The following FGF13 variants were observed in gnomAD, a reference collection of about 807,000 sequenced individuals.
The protein encoded by FGF13 is fibroblast growth factor 13.
In FGF13, 2 loss-of-function variants were observed where a neutral mutation model predicts 19.5. The ratio of observed to expected loss-of-function variants is 0.10; its 90% confidence interval spans 0.04 to 0.32. The LOEUF is 0.32. Ranked by LOEUF, FGF13 falls within the 10% of genes least tolerant of loss-of-function variation. FGF13 has a pLI of 1.00. For missense variants in FGF13, 113 were observed against 192.7 expected, an observed-to-expected ratio of 0.59 and a Z score of 2.45; for synonymous variants, 72 against 76.9, an observed-to-expected ratio of 0.94 and a Z score of 0.33.
intron 1 of FGF13, among the ~76,000 whole-genome samples, chrX:139,175,865 T>A (rs1193529433): frequency 2.7e-5 from 3 of 111,944 alleles, no homozygotes; most frequent in Non-Finnish European, 5.6e-5. Flanking sequence ...AATTTTTTTG[T>A]TGTTGTTGTG....
At chrX:138,790,484 T>C (rs182379676) in intron 3 of FGF13, among the ~76,000 whole-genome samples, 21 of 110,843 alleles carry the variant, frequency 1.9e-4, no homozygotes, top group Non-Finnish European at 3.0e-4. Flanking sequence ...GCCTCCACAG[T>C]CTTTTTCCTT....
intron 1 of FGF13, among the ~76,000 whole-genome samples, chrX:139,108,666 T>A (rs72616262): frequency 0.012 from 1,281 of 110,671 alleles, 19 homozygotes; most frequent in East Asian, 0.06. Context: ...ATATATATAT[T>A]TTTTTTAATT....
chrX:138,972,500 G>T (rs2091922331), intron 1 of FGF13, among the ~76,000 whole-genome samples: 1 of 108,211 alleles, frequency 9.2e-6, no homozygotes, highest in African/African-American at 3.4e-5. Context: ...GGGACTACAG[G>T]CGCCGGCCAC....
intron 1 of FGF13, among the ~76,000 whole-genome samples, chrX:139,138,311 C>G (rs777878638): frequency 5.5e-4 from 61 of 111,729 alleles, no homozygotes; most frequent in African/African-American, 1.8e-3. Flanking sequence ...ACTACAAAGC[C>G]CAAGTTCTTA....
chrX:139,180,687 G>T (rs922417323), intron 1 of FGF13, among the ~76,000 whole-genome samples: 1 of 111,095 alleles, frequency 9.0e-6, no homozygotes, highest in Non-Finnish European at 1.9e-5. Context: ...TGCGCAATAG[G>T]GCTGCCTGAT....
chrX:139,028,751 G>A (rs974193355), intron 1 of FGF13, among the ~76,000 whole-genome samples: 5 of 108,655 alleles, frequency 4.6e-5, no homozygotes, highest in African/African-American at 1.7e-4. Context: ...CAAAGAAGAG[G>A]TGTATGATCA....
intron 1 of FGF13, among the ~76,000 whole-genome samples, chrX:139,149,118 AC>A (rs1226116866): frequency 9.0e-6 from 1 of 111,195 alleles, no homozygotes; most frequent in Non-Finnish European, 1.9e-5. Flanking sequence ...TATTTACACA[AC>A]CCTATTATTT....
At chrX:138,860,930 T>G (rs2091285211) in intron 2 of FGF13, among the ~76,000 whole-genome samples, 1 of 111,513 alleles carries the variant, frequency 9.0e-6, no homozygotes, top group Non-Finnish European at 1.9e-5. Context: ...TAGTGCAGAG[T>G]AGGAGGACAC....
At chrX:138,713,491 A>G (rs1341312766), upstream of FGF13, among the ~76,000 whole-genome samples, 1 of 111,630 alleles carries the variant, frequency 9.0e-6, no homozygotes, top group African/African-American at 3.3e-5. Flanking sequence ...TCTGCCAAGC[A>G]CCAACCCCAA....
chrX:139,191,078 T>C (rs1448913788), intron 1 of FGF13, among the ~76,000 whole-genome samples: 3 of 112,171 alleles, frequency 2.7e-5, no homozygotes, highest in East Asian at 5.6e-4. Flanking sequence ...CTCCCCTATA[T>C]ACAATATGGT....
At chrX:138,857,433 G>A, downstream of FGF13, 1 of 1,010,557 alleles carries the variant, frequency 9.9e-7, no homozygotes, top group Non-Finnish European at 1.4e-6. Flanking sequence ...ACACCAGAGG[G>A]CAATGCACAA....
chrX:138,849,761 C>T (rs1431093704), intron 3 of FGF13, among the ~76,000 whole-genome samples: 1 of 111,959 alleles, frequency 8.9e-6, no homozygotes, highest in Non-Finnish European at 1.9e-5. Context: ...GTTGCCAACA[C>T]AATCCCTGAT....
rs756838138 is a variant in FGF13 at position 138,728,170 on chromosome X, G to A, written c.28+11072C>T. Among the ~76,000 whole-genome samples, 3 of 111,131 alleles carry A rather than the reference G, an allele frequency of 2.7e-5. No individual in the cohort carries two copies. The East Asian group carries it at 8.6e-4, about 32-fold the overall frequency. On this transcript the variant is annotated intron_variant, in intron 1 of 4. Coordinates refer to the FGF13 transcript ENST00000305414. ...CTTATTTGATAATATTTCACTCTAA[G>A]TGATATAATTTTTGCAACTTTCTTG...
At chrX:138,927,365 A>G (rs915395941) in intron 1 of FGF13, among the ~76,000 whole-genome samples, 2 of 111,866 alleles carry the variant, frequency 1.8e-5, no homozygotes, top group Non-Finnish European at 3.8e-5. Flanking sequence ...TGGTTTTTAC[A>G]TTGAAACAAT....
chrX:139,043,407 TTC>T (rs1222873319), intron 1 of FGF13, among the ~76,000 whole-genome samples: 1 of 110,540 alleles, frequency 9.0e-6, no homozygotes. Context: ...GAGACGGAGA[TTC>T]AGCATGTTGG....
At chrX:139,119,582 A>G (rs1603208325) in intron 1 of FGF13, among the ~76,000 whole-genome samples, 1 of 111,441 alleles carries the variant, frequency 9.0e-6, no homozygotes, top group Non-Finnish European at 1.9e-5. Flanking sequence ...CCATCATGCT[A>G]TGCAAGGTTC....
At chrX:138,813,343 G>A (rs2090940326) in intron 3 of FGF13, among the ~76,000 whole-genome samples, 1 of 111,346 alleles carries the variant, frequency 9.0e-6, no homozygotes, top group Non-Finnish European at 1.9e-5. Context: ...TGCACCAACA[G>A]CTTCCTAACT....
chrX:139,104,977 C>T (rs1247531338), intron 1 of FGF13, among the ~76,000 whole-genome samples: 1 of 110,644 alleles, frequency 9.0e-6, no homozygotes, highest in Non-Finnish European at 1.9e-5. Context: ...ATTGAGCCTG[C>T]AACTGTGTCC....
At chrX:139,154,156 C>G (rs1164765615) in intron 1 of FGF13, among the ~76,000 whole-genome samples, 1 of 111,764 alleles carries the variant, frequency 8.9e-6, no homozygotes, top group Non-Finnish European at 1.9e-5. Flanking sequence ...TGACTACCCC[C>G]TTGTATATGC....
Sources: gnomAD v4.1 joint callset for allele counts (sites outside exome capture counted in the v4.1 genomes callset) on GRCh38, gnomAD v4.1.1 for gene constraint, MANE v1.5 for transcripts, NCBI Gene and HGNC (gene_info 2026-07-23, HGNC 2026-07-21) for gene names.